The following SORL1 variants were observed in gnomAD, a reference collection of about 807,000 sequenced individuals.
SORL1 encodes the protein sortilin-related receptor.
SORL1 carries 127 observed loss-of-function variants against 273.7 expected under a neutral mutation model. That is an observed-to-expected ratio of 0.46 (90% CI 0.40 to 0.54). The LOEUF (loss-of-function observed/expected upper bound fraction) is 0.54, where lower values mean the gene tolerates loss of function less well. Among genes scored for constraint, SORL1 ranks in the 20% least tolerant of loss-of-function variants. SORL1 has a pLI of 0.00. For synonymous variants in SORL1, 1,031 were observed against 1,067.4 expected (o/e 0.97, Z 0.66); for missense variants, 2,494 against 2,846.1 (o/e 0.88, Z 2.81).
chr11:121,607,557 C>G (rs1201935617), intron 37 of SORL1, among the ~76,000 whole-genome samples: 2 of 152,238 alleles, frequency 1.3e-5, no homozygotes, highest in Non-Finnish European at 2.9e-5. Context: ...CGGTATTCTG[C>G]TAGCTTTCCA....
chr11:121,479,557 C>A (rs1034851186), intron 3 of SORL1, among the ~76,000 whole-genome samples: 1 of 152,088 alleles, frequency 6.6e-6, no homozygotes, highest in Non-Finnish European at 1.5e-5. Context: ...CCAATCAGAA[C>A]AAATCCTGTC....
At chr11:121,606,703 A>C (rs1432716108) in intron 35 of SORL1, 142 bp from the exon 36 acceptor site, 1 of 638,844 alleles carries the variant, frequency 1.6e-6, no homozygotes, top group Non-Finnish European at 2.8e-6. Context: ...TTTCAATGTG[A>C]CGACCAAGCT....
chr11:121,452,836 G>A lies in SORL1; in HGVS notation c.285+220G>A, dbSNP rs1051612245. 1.7e-5 allele frequency: 8 copies of A among 476,560 alleles called. No homozygotes were observed. The highest frequency in any genetic ancestry group is 4.3e-5 in the Admixed American group (1 of 23,014). 29.5% of individuals were successfully genotyped at this position (476,560 alleles called of 1,614,324 possible). A position where few individuals can be genotyped will look rare whatever the true frequency, so the allele number is the denominator to read the frequency against. On this transcript the variant is annotated intron_variant, in intron 1 of 47. Coordinates refer to ENST00000260197, the MANE Select transcript of SORL1 (RefSeq NM_003105.6). This position sits in a 1 kb window ranked among gnomAD's most constrained non-coding sequence, Gnocchi z 5.3. ...TTAGTAAACGTATTCCAGGTAACTC[G>A]CCGGGTGCAGTGCGTATTACCCCAG... is the stretch of plus-strand genomic sequence containing the variant.
chr11:121,576,172 T>C (rs185080517), intron 24 of SORL1, among the ~76,000 whole-genome samples: 22 of 152,328 alleles, frequency 1.4e-4, no homozygotes, highest in Non-Finnish European at 2.9e-4. Context: ...AAATACTTAG[T>C]GTAGGTAATT....
Position 121,497,065 on chromosome 11 carries a change from T to C in SORL1, c.939+16T>C, listed in dbSNP as rs200648776. ...AAAGGTGGTGGTAAGTTGAATGTACTAAAGAATAAACTACTTTTGAGTTTC... is the reference window on the plus strand; with the variant it reads ...AAAGGTGGTGGTAAGTTGAATGTACCAAAGAATAAACTACTTTTGAGTTTC... On this transcript the variant is annotated intron_variant, in intron 6 of 47. Coordinates refer to ENST00000260197, the MANE Select transcript of SORL1 (RefSeq NM_003105.6). 70 of 1,605,818 alleles carry C rather than the reference T, an allele frequency of 4.4e-5. No individual in the cohort carries two copies. Among genetic ancestry groups the C allele is most frequent in the Non-Finnish European group, 5.8e-5 (68 of 1,175,704 alleles).
chr11:121,521,351 C>T (rs1862039468), intron 9 of SORL1, among the ~76,000 whole-genome samples: 1 of 152,178 alleles, frequency 6.6e-6, no homozygotes, highest in African/African-American at 2.4e-5. Context: ...CTGGGTACTT[C>T]CTCTTCCCTC....
chr11:121,615,834 G>A (rs1039719713), intron 41 of SORL1, among the ~76,000 whole-genome samples: 4 of 152,148 alleles, frequency 2.6e-5, no homozygotes, highest in African/African-American at 9.7e-5. Context: ...TATAAAATCC[G>A]ATAAACCCCT....
At chr11:121,616,194 C>T (rs1053512822) in intron 41 of SORL1, among the ~76,000 whole-genome samples, 9 of 152,184 alleles carry the variant, frequency 5.9e-5, no homozygotes, top group Non-Finnish European at 2.9e-5. Flanking sequence ...GGCAATTGCA[C>T]AGAACACTGA....
At position 121,529,377 on chromosome 11, in the gene SORL1, C is replaced by T. The variant is rs541130634; in HGVS notation, c.1597-3087C>T. Among the ~76,000 whole-genome samples the T allele has an allele frequency of 3.9e-5, 6 of 152,010 alleles. No homozygotes were observed. In the East Asian group the frequency reaches 7.7e-4, roughly 20 times the overall value. ...GATTTCAGGCGCTCACCACCACACC[C>T]GGCTAATTTTTGTATTTCTAATAGA... On this transcript the variant is annotated intron_variant, in intron 11 of 47. Transcript: ENST00000260197.
chr11:121,489,375 G>T (rs188162416), intron 4 of SORL1, among the ~76,000 whole-genome samples: 104 of 152,230 alleles, frequency 6.8e-4, no homozygotes, highest in African/African-American at 2.5e-3. Flanking sequence ...CTACACCCAT[G>T]AAATAATACC....
chr11:121,612,848 T>C lies in SORL1; in HGVS notation c.5419+16T>C. 3.8e-6 allele frequency: 6 copies of C among 1,576,756 alleles called. No homozygotes were observed. Among genetic ancestry groups the C allele is most frequent in the Non-Finnish European group, 4.4e-6 (5 of 1,146,364 alleles). ...TCACACAAAGGTAACACTTTGGTGC[T>C]GGTCAGTGTGTGTGCAGGAAGGGGT... On this transcript the variant is annotated intron_variant, in intron 40 of 47. Coordinates refer to ENST00000260197, the MANE Select transcript of SORL1 (RefSeq NM_003105.6).
chr11:121,538,709 C>T (rs145203390), intron 12 of SORL1, among the ~76,000 whole-genome samples: 435 of 152,094 alleles, frequency 2.9e-3, no homozygotes, highest in African/African-American at 1.0e-2. Flanking sequence ...GACAGAGTCT[C>T]ACTCTGTCGC....
chr11:121,516,922 C>T (rs532876148), intron 8 of SORL1, among the ~76,000 whole-genome samples: 1 of 151,986 alleles, frequency 6.6e-6, no homozygotes, highest in African/African-American at 2.4e-5. Context: ...CGTGGTGGCA[C>T]GTACCTATAG....
intron 6 of SORL1, among the ~76,000 whole-genome samples, chr11:121,505,507 C>A (rs1861775109): frequency 6.6e-6 from 1 of 151,404 alleles, no homozygotes; most frequent in African/African-American, 2.4e-5. Context: ...GCTTAGTTTG[C>A]CCTTATGTTT....
intron 6 of SORL1, among the ~76,000 whole-genome samples, chr11:121,502,056 G>C (rs1398505798): frequency 6.7e-6 from 1 of 148,754 alleles, no homozygotes; most frequent in Non-Finnish European, 1.5e-5. Flanking sequence ...GCACGTTTGT[G>C]TGTGAACTTA....
Position 121,554,435 on chromosome 11 carries a change from C to G in SORL1, c.2439+326C>G, listed in dbSNP as rs1382227837. 6.6e-6 allele frequency among the ~76,000 whole-genome samples: 1 copy of G among 152,166 alleles called. No homozygotes were observed. The highest frequency in any genetic ancestry group is 1.5e-5 in the Non-Finnish European group (1 of 68,042). On this transcript the variant is annotated intron_variant, in intron 17 of 47. Coordinates refer to ENST00000260197, the MANE Select transcript of SORL1 (RefSeq NM_003105.6). The surrounding 1 kb of genome is among the most constrained non-coding windows in gnomAD (Gnocchi z 4.6). ...CCTATTGTGCCAACTGCCTCTTGAG[C>G]ATCTTTCTTCCCAAGCCATGATACA...
Position 121,622,285 on chromosome 11 carries a change from T to C in SORL1, c.6171+17T>C. The C allele has an allele frequency of 6.9e-7, 1 of 1,454,632 alleles. No homozygotes were observed. The highest frequency in any genetic ancestry group is 1.7e-5 in the Admixed American group (1 of 58,782). The allele number at this position is 1,454,632 out of a possible 1,614,324, so 90.1% of individuals were successfully genotyped here. On this transcript the variant is annotated intron_variant, in intron 45 of 47. Transcript: ENST00000260197. ...GAAAGCAGGGTAAGTTCCTCCCTCA[T>C]TCTCAATGACTTTGGAAATTTAATT...
At chr11:121,465,471 A>G (rs1027365114) in intron 1 of SORL1, among the ~76,000 whole-genome samples, 5 of 151,960 alleles carry the variant, frequency 3.3e-5, no homozygotes, top group South Asian at 2.1e-4. Flanking sequence ...AGGGGAATCA[A>G]CTAGATTCAT....
chr11:121,505,520 A>G (rs1291918205), intron 6 of SORL1, among the ~76,000 whole-genome samples: 3 of 150,486 alleles, frequency 2.0e-5, no homozygotes, highest in Admixed American at 6.6e-5. Context: ...TTATGTTTCT[A>G]TGTTCTTAAG....
Sources: allele counts gnomAD v4.1 joint callset (sites outside exome capture counted in the v4.1 genomes callset), GRCh38; gene constraint gnomAD v4.1.1; non-coding constraint Gnocchi (gnomAD v3.1); transcripts MANE v1.5; gene names NCBI Gene and HGNC (gene_info 2026-07-23, HGNC 2026-07-21).